SLC44A1: variants seen among roughly 807,000 people sequenced by gnomAD.
SLC44A1 encodes the protein solute carrier family 44 member 1.
Under a neutral mutation model 79.3 loss-of-function variants are expected in SLC44A1, and 26 were observed. The ratio of observed to expected loss-of-function variants is 0.33; its 90% CI spans 0.24 to 0.46. SLC44A1 has a LOEUF of 0.46. SLC44A1 is among the 20% of genes least tolerant of loss of function. The probability of loss-of-function intolerance (pLI) is 1.00; values close to 1 mark genes in which losing one functional copy is unlikely to be tolerated. For missense variants in SLC44A1, 688 were observed against 798.1 expected (o/e 0.86, Z 1.66); for synonymous variants, 263 against 286.2 (o/e 0.92, Z 0.82).
At chr9:105,300,836 T>C (rs1367763223) in intron 2 of SLC44A1, among the ~76,000 whole-genome samples, 1 of 151,310 alleles carries the variant, frequency 6.6e-6, no homozygotes, top group African/African-American at 2.4e-5. Context: ...GAGTGCATGG[T>C]GTGATCTCGG....
intron 1 of SLC44A1, among the ~76,000 whole-genome samples, chr9:105,261,767 C>G (rs1054967445): frequency 2.1e-5 from 3 of 143,552 alleles, no homozygotes; most frequent in African/African-American, 8.3e-5. Flanking sequence ...CTGTGTTTCT[C>G]TCTCTCTCTT....
At position 105,379,065 on chromosome 9, in the gene SLC44A1, A is replaced by G. The variant is rs1828379831; in HGVS notation, c.1633-4058A>G. Reference sequence around the variant, plus strand: ...CAAGGAGGGTGGATCGCTTGAGCCCAGGAGTCCAAGACCAGCTTGAACAAC... The same window carrying G: ...CAAGGAGGGTGGATCGCTTGAGCCCGGGAGTCCAAGACCAGCTTGAACAAC... On this transcript the variant is annotated intron_variant, in intron 13 of 15. Coordinates refer to ENST00000374720, the MANE Select transcript of SLC44A1 (RefSeq NM_080546.5). Among the ~76,000 whole-genome samples the G allele has an allele frequency of 2.6e-5, 4 of 152,316 alleles. No individual in the cohort carries two copies. In the South Asian group the frequency reaches 8.3e-4, roughly 32 times the overall value.
downstream of SLC44A1, among the ~76,000 whole-genome samples, chr9:105,397,910 C>T (rs140660360): frequency 4.8e-3 from 722 of 151,648 alleles, 8 homozygotes; most frequent in African/African-American, 0.016. Context: ...ATCGCATCAC[C>T]GCACTCCAGC....
At chr9:105,279,900 C>T (rs1830311018) in intron 1 of SLC44A1, among the ~76,000 whole-genome samples, 1 of 152,118 alleles carries the variant, frequency 6.6e-6, no homozygotes, top group Non-Finnish European at 1.5e-5. Context: ...CAAGTGTTAG[C>T]AATAACCAGT....
chr9:105,326,404 T>G (rs552416686), intron 3 of SLC44A1, among the ~76,000 whole-genome samples: 1 of 152,188 alleles, frequency 6.6e-6, no homozygotes, highest in Non-Finnish European at 1.5e-5. Context: ...TGCCTCAGTT[T>G]ATTATAAGTA....
At chr9:105,336,641 G>A (rs549755166) in intron 4 of SLC44A1, among the ~76,000 whole-genome samples, 2 of 152,276 alleles carry the variant, frequency 1.3e-5, no homozygotes, top group African/African-American at 4.8e-5. Flanking sequence ...GAACGACCCA[G>A]GTATCCAGTG....
At position 105,362,804 on chromosome 9, in the gene SLC44A1, C is replaced by T. The variant is rs750576469; in HGVS notation, c.901-17C>T. The T allele has an allele frequency of 1.8e-5, 28 of 1,517,860 alleles. No individual in the cohort carries two copies. Among genetic ancestry groups the T allele is most frequent in the Non-Finnish European group, 2.4e-5 (27 of 1,133,060 alleles). 94.0% of individuals were successfully genotyped at this position (1,517,860 alleles called of 1,614,324 possible). A position where few individuals can be genotyped will look rare whatever the true frequency, so the allele number is the denominator to read the frequency against. ...TCACTACTTATAATAATAACTGAAACCATTCTCTCCATACAGGTGATCTTA... is the reference window on the plus strand; with the variant it reads ...TCACTACTTATAATAATAACTGAAATCATTCTCTCCATACAGGTGATCTTA... On this transcript the variant is annotated splice_polypyrimidine_tract_variant and intron_variant, in intron 8 of 15. Transcript: ENST00000374720.
chr9:105,254,420 T>G (rs1373937687), intron 1 of SLC44A1, among the ~76,000 whole-genome samples: 2 of 152,158 alleles, frequency 1.3e-5, no homozygotes, highest in Non-Finnish European at 2.9e-5. Flanking sequence ...AGGACTTCCC[T>G]CTGAGTCAAG....
At chr9:105,306,335 T>C (rs1488694069) in intron 2 of SLC44A1, among the ~76,000 whole-genome samples, 3 of 152,210 alleles carry the variant, frequency 2.0e-5, no homozygotes, top group Non-Finnish European at 2.9e-5. Flanking sequence ...TTCTGTAAAG[T>C]TTCTCTCACC....
At chr9:105,322,176 C>T (rs1020603535) in intron 3 of SLC44A1, among the ~76,000 whole-genome samples, 1 of 152,154 alleles carries the variant, frequency 6.6e-6, no homozygotes, top group African/African-American at 2.4e-5. Context: ...ACATAAAGCA[C>T]TAAATTAGCT....
chr9:105,384,461 G>A (rs368387354), intron 14 of SLC44A1, among the ~76,000 whole-genome samples: 1 of 152,164 alleles, frequency 6.6e-6, no homozygotes, highest in Non-Finnish European at 1.5e-5. Flanking sequence ...GATTACAGGT[G>A]TGAGCCTCCA....
chr9:105,261,719 G>A (rs544039427), intron 1 of SLC44A1, among the ~76,000 whole-genome samples: 2 of 151,952 alleles, frequency 1.3e-5, no homozygotes, highest in African/African-American at 4.8e-5. Context: ...TGCTACGGAG[G>A]GGTGTAGCTT....
At chr9:105,354,734 A>G (rs1412604200) in intron 5 of SLC44A1, among the ~76,000 whole-genome samples, 1 of 152,272 alleles carries the variant, frequency 6.6e-6, no homozygotes, top group Non-Finnish European at 1.5e-5. Flanking sequence ...CAAATATGAC[A>G]GCATGAAAGA....
chr9:105,272,874 A>C (rs933839324), intron 1 of SLC44A1, among the ~76,000 whole-genome samples: 22 of 152,098 alleles, frequency 1.4e-4, no homozygotes, highest in Non-Finnish European at 3.2e-4. Context: ...CACATGCATG[A>C]AAGTAGGTAA....
intron 15 of SLC44A1, among the ~76,000 whole-genome samples, chr9:105,422,520 C>G (rs566649479): frequency 6.6e-6 from 1 of 152,028 alleles, no homozygotes; most frequent in South Asian, 2.1e-4. Context: ...ATCTCTTAAA[C>G]TGGTGATCTG....
intron 1 of SLC44A1, among the ~76,000 whole-genome samples, chr9:105,280,308 C>T (rs998844213): frequency 2.6e-5 from 4 of 152,144 alleles, no homozygotes; most frequent in African/African-American, 9.7e-5. Flanking sequence ...ATTTATCAGC[C>T]ACATGACTAT....
intron 15 of SLC44A1, chr9:105,386,295 T>A (rs1588858450): frequency 2.1e-6 from 2 of 947,576 alleles, no homozygotes; most frequent in South Asian, 4.9e-5. Flanking sequence ...CATATATTGG[T>A]CTAATTACTT....
At chr9:105,413,170 C>A (rs1303927077) in intron 15 of SLC44A1, among the ~76,000 whole-genome samples, 2 of 152,188 alleles carry the variant, frequency 1.3e-5, no homozygotes, top group African/African-American at 2.4e-5. Context: ...ATGTTAATCA[C>A]CTATTACTAT....
At chr9:105,309,972 T>G in intron 3 of SLC44A1, 106 bp downstream of exon 3, 1 of 1,178,384 alleles carries the variant, frequency 8.5e-7, no homozygotes, top group Non-Finnish European at 1.2e-6. Flanking sequence ...CAAATATTAT[T>G]TTTATGTGAC....
Sources: gnomAD v4.1 joint callset for allele counts (sites outside exome capture counted in the v4.1 genomes callset) on GRCh38, gnomAD v4.1.1 for gene constraint, MANE v1.5 for transcripts, NCBI Gene and HGNC (gene_info 2026-07-23, HGNC 2026-07-21) for gene names.